Variants in TMEM131 observed in about 807,000 individuals in gnomAD.
TMEM131 encodes 2610524E03Rik.
TMEM131 carries 66 observed loss-of-function variants against 211.6 expected under a neutral mutation model. The observed-to-expected ratio is 0.31, with a 90% CI of 0.26 to 0.38. The LOEUF (loss-of-function observed/expected upper bound fraction) is 0.38, where lower values mean the gene tolerates loss of function less well. Ranked by LOEUF, TMEM131 falls within the 10% of genes least tolerant of loss-of-function variation. The pLI is 1.00. For synonymous variants in TMEM131, 844 were observed against 841.3 expected (o/e 1.00, Z -0.06); for missense variants, 2,036 against 2,299.3 (o/e 0.89, Z 2.34).
chr2:97,950,094 T>C (rs1352756316), intron 1 of TMEM131, among the ~76,000 whole-genome samples: 2 of 152,128 alleles, frequency 1.3e-5, no homozygotes, highest in African/African-American at 4.8e-5. Flanking sequence ...CGTGTCTTTC[T>C]TACAGAATAT....
chr2:97,951,966 G>A (rs559738299), intron 1 of TMEM131, among the ~76,000 whole-genome samples: 3 of 152,226 alleles, frequency 2.0e-5, no homozygotes, highest in Admixed American at 6.5e-5. Context: ...AGACCAGCCT[G>A]ACCAACATGG....
rs374017654 is a variant in TMEM131, at chr2:97,967,549, TAAG to T, written c.187+27924_187+27926del. Among the ~76,000 whole-genome samples, 116 of 151,674 alleles carry T rather than the reference TAAG, an allele frequency of 7.6e-4. No individual in the cohort carries two copies. The East Asian group carries it at 0.014, about 18-fold the overall frequency. Reference sequence around the variant, plus strand: ...AAAGAGTATAAAGATCACATGGAAATAAGAAATTTAATAAGTAACAAACTGCTT... The same window carrying T: ...AAAGAGTATAAAGATCACATGGAAATAAATTTAATAAGTAACAAACTGCTT... On this transcript the variant is annotated intron_variant, in intron 1 of 40. Coordinates refer to ENST00000186436, the MANE Select transcript of TMEM131 (RefSeq NM_015348.2).
chr2:97,909,308 A>G (rs999719633), intron 2 of TMEM131, among the ~76,000 whole-genome samples: 1 of 152,112 alleles, frequency 6.6e-6, no homozygotes, highest in Non-Finnish European at 1.5e-5. Flanking sequence ...TAGAGAGCAG[A>G]GGTTGGTATG....
intron 11 of TMEM131, among the ~76,000 whole-genome samples, chr2:97,822,444 A>G (rs764740321): frequency 6.6e-6 from 1 of 152,182 alleles, no homozygotes; most frequent in Non-Finnish European, 1.5e-5. Flanking sequence ...TGCTCAGGGT[A>G]CGGCCCTCCA....
At chr2:97,859,456 A>C in intron 4 of TMEM131, 29 bp from the exon 5 acceptor site, 3 of 1,509,434 alleles carry the variant, frequency 2.0e-6, no homozygotes, top group Non-Finnish European at 2.6e-6. Flanking sequence ...ATTATCACAA[A>C]TATTTCACAG....
intron 1 of TMEM131, among the ~76,000 whole-genome samples, chr2:97,965,262 C>T (rs765846734): frequency 3.9e-5 from 6 of 152,150 alleles, no homozygotes; most frequent in African/African-American, 7.2e-5. Context: ...GAATGACTGA[C>T]GAGTTCTCCT....
chr2:97,969,197 T>C lies in TMEM131; in HGVS notation c.187+26279A>G, dbSNP rs530490630. Among the ~76,000 whole-genome samples the C allele has an allele frequency of 3.9e-5, 6 of 152,328 alleles. No individual in the cohort carries two copies. In the East Asian group the frequency reaches 9.6e-4, roughly 24 times the overall value. ...ATGTATTATGACCACTAGACATGTA[T>C]AAATTAAGCCTTTTATCTTCAATTG... On this transcript the variant is annotated intron_variant, in intron 1 of 40. Transcript: ENST00000186436.
At chr2:97,758,325 CATA>C (rs1307591091) in intron 40 of TMEM131, among the ~76,000 whole-genome samples, 1 of 152,200 alleles carries the variant, frequency 6.6e-6, no homozygotes, top group African/African-American at 2.4e-5. Context: ...ATTTTTCTGT[CATA>C]ATTTTGTGGA....
At chr2:97,769,741 C>T (rs905139211) in intron 33 of TMEM131, among the ~76,000 whole-genome samples, 1 of 152,172 alleles carries the variant, frequency 6.6e-6, no homozygotes, top group African/African-American at 2.4e-5. Flanking sequence ...TGCCCTGGGC[C>T]CTTCCTGGTT....
intron 2 of TMEM131, among the ~76,000 whole-genome samples, chr2:97,909,378 T>A (rs1339565484): frequency 6.6e-6 from 1 of 151,832 alleles, no homozygotes; most frequent in Non-Finnish European, 1.5e-5. Flanking sequence ...AAAATGAGAC[T>A]GGAGGGCTAA....
At chr2:97,912,612 A>T (rs1310805735) in intron 2 of TMEM131, among the ~76,000 whole-genome samples, 1 of 152,224 alleles carries the variant, frequency 6.6e-6, no homozygotes, top group Non-Finnish European at 1.5e-5. Flanking sequence ...TAGAACAGAC[A>T]AGATATAACA....
In TMEM131 at chr2:97,814,077, A is replaced by G; in HGVS notation, c.1511T>C (p.Leu504Pro). The G allele has an allele frequency of 9.3e-6, 15 of 1,604,492 alleles. No homozygotes were observed. Among genetic ancestry groups the G allele is most frequent in the Non-Finnish European group, 1.2e-5 (14 of 1,174,646 alleles). ...PNESGYIFTL[L>P]FMPSTSSMHI... Reference sequence around the variant, plus strand: ...CATGGATGATGTGGAAGGCATAAAAAGCAGGGTAAAAATGTATCCTGATTC... The same window carrying G: ...CATGGATGATGTGGAAGGCATAAAAGGCAGGGTAAAAATGTATCCTGATTC... The change falls in exon 15 of 41, where the codon CTT becomes CCT. Residue 504 changes from leucine (L) to proline (P), a missense_variant. This residue lies in a region of TMEM131 where 1,623 missense variants were observed against 1,805.9 expected (regional missense o/e 0.90). Transcript: ENST00000186436.
chr2:97,787,228 T>C (rs1217386394), intron 31 of TMEM131, among the ~76,000 whole-genome samples: 3 of 152,376 alleles, frequency 2.0e-5, no homozygotes, highest in Admixed American at 2.0e-4. Context: ...TGCTGTGTAA[T>C]GAATTTGTCT....
chr2:97,959,465 T>C lies in TMEM131; in HGVS notation c.188-31978A>G, dbSNP rs541655094. 4.6e-5 allele frequency among the ~76,000 whole-genome samples: 7 copies of C among 152,292 alleles called. No individual in the cohort carries two copies. In the South Asian group the frequency reaches 1.2e-3, roughly 27 times the overall value. Reference sequence around the variant, plus strand: ...CTGTAGAAAAGGTTAACCTACAGAATAGTTAAAACAACTGTATTTATCAGA... The same window carrying C: ...CTGTAGAAAAGGTTAACCTACAGAACAGTTAAAACAACTGTATTTATCAGA... On this transcript the variant is annotated intron_variant, in intron 1 of 40. Transcript: ENST00000186436.
chr2:97,767,307 A>G (rs1479760932), intron 33 of TMEM131, among the ~76,000 whole-genome samples: 1 of 152,224 alleles, frequency 6.6e-6, no homozygotes, highest in African/African-American at 2.4e-5. Context: ...AAGCTCAATA[A>G]GTGAGGTAGG....
intron 1 of TMEM131, among the ~76,000 whole-genome samples, chr2:97,930,194 A>G (rs746613757): frequency 1.3e-5 from 2 of 151,808 alleles, no homozygotes; most frequent in African/African-American, 2.4e-5. Context: ...CAAGGCCTCT[A>G]ATTAGAAGCT....
chr2:97,829,359 TGCACCAATCAGCACTCGGTAAAAAC>T (rs373159972), intron 11 of TMEM131, among the ~76,000 whole-genome samples: 6,591 of 152,148 alleles, frequency 0.043, 208 homozygotes, highest in Non-Finnish European at 0.065. Context: ...GGATTGTAAA[TGCACCAATCAGCACTCGGTAAAAAC>T]GCACCAATCA....
chr2:97,927,344 C>A, intron 2 of TMEM131, 82 bp downstream of exon 2: 2 of 1,054,678 alleles, frequency 1.9e-6, no homozygotes. Context: ...TTCAGATAAA[C>A]CAATTACATT....
intron 31 of TMEM131, among the ~76,000 whole-genome samples, chr2:97,791,034 G>C (rs140376342): frequency 3.3e-5 from 5 of 152,224 alleles, no homozygotes; most frequent in Non-Finnish European, 7.4e-5. Context: ...AAAACTCCTT[G>C]GTAAACCATT....
Sources: allele counts gnomAD v4.1 joint callset (sites outside exome capture counted in the v4.1 genomes callset), GRCh38; gene constraint gnomAD v4.1.1; regional missense constraint gnomAD v4.1.1; transcripts MANE v1.5; gene names NCBI Gene and HGNC (gene_info 2026-07-23, HGNC 2026-07-21).